The following NUDCD1 variants were observed in gnomAD, a reference collection of about 807,000 sequenced individuals.
The protein encoded by NUDCD1 is nudC domain-containing protein 1.
NUDCD1 carries 60 observed loss-of-function variants against 67.8 expected under a neutral mutation model. That is an observed-to-expected ratio of 0.88 (90% CI 0.72 to 1.10). The LOEUF (loss-of-function observed/expected upper bound fraction) is 1.10, where lower values mean the gene tolerates loss of function less well. Ranked by LOEUF, NUDCD1 falls within the 50% of genes least tolerant of loss-of-function variation. NUDCD1 has a pLI of 0.00. For missense variants in NUDCD1, 643 were observed against 695.0 expected (o/e 0.93, Z 0.84); for synonymous variants, 244 against 230.8 (o/e 1.06, Z -0.52).
At chr8:109,287,181 A>G (rs1406441749) in intron 5 of NUDCD1, among the ~76,000 whole-genome samples, 1 of 152,186 alleles carries the variant, frequency 6.6e-6, no homozygotes, top group Non-Finnish European at 1.5e-5. Flanking sequence ...ATGATACACT[A>G]TTGGTGGGAA....
At chr8:109,280,649 T>A (rs934212933) in intron 6 of NUDCD1, among the ~76,000 whole-genome samples, 1 of 152,084 alleles carries the variant, frequency 6.6e-6, no homozygotes, top group Non-Finnish European at 1.5e-5. Context: ...CAAACTAAAG[T>A]TAAAAAAATT....
intron 9 of NUDCD1, among the ~76,000 whole-genome samples, chr8:109,243,945 A>C (rs1376745641): frequency 6.6e-6 from 1 of 152,198 alleles, no homozygotes; most frequent in African/African-American, 2.4e-5. Flanking sequence ...TAAACTGAAA[A>C]AAATCCTTAT....
intron 4 of NUDCD1, among the ~76,000 whole-genome samples, 194 bp from the exon 5 acceptor site, chr8:109,290,127 T>C (rs1487654706): frequency 6.6e-6 from 1 of 152,178 alleles, no homozygotes; most frequent in Non-Finnish European, 1.5e-5. Context: ...TATTTTAAAA[T>C]ATTGGGTCTG....
In NUDCD1 at chr8:109,269,316, C is replaced by A. The variant is rs182281669; in HGVS notation, c.1299+1689G>T. Among the ~76,000 whole-genome samples the A allele has an allele frequency of 2.3e-3, 345 of 152,276 alleles. 5 individuals are homozygous for A. Among genetic ancestry groups the A allele is most frequent in the Non-Finnish European group, 2.4e-4 (16 of 68,008 alleles). ...TTTGATACAGTTTCAAATGGTACTT[C>A]TGCCTAGCCATTGGTCCTATGCCAT... On this transcript the variant is annotated intron_variant, in intron 8 of 9. Transcript: ENST00000239690.
intron 4 of NUDCD1, among the ~76,000 whole-genome samples, chr8:109,290,946 A>T (rs1712327034): frequency 6.6e-6 from 1 of 152,178 alleles, no homozygotes; most frequent in African/African-American, 2.4e-5. Context: ...ACAGGCTTGT[A>T]ATTTAATGAA....
At chr8:109,283,989 T>TAAAAAAAAA (rs58089818) in intron 5 of NUDCD1, among the ~76,000 whole-genome samples, 8 of 133,146 alleles carry the variant, frequency 6.0e-5, no homozygotes, top group Non-Finnish European at 6.5e-5. Flanking sequence ...AAAGCTGGAT[T>TAAAAAAAAA]AAAAAAAAAA....
intron 8 of NUDCD1, among the ~76,000 whole-genome samples, chr8:109,270,754 G>C (rs1173075763): frequency 1.3e-5 from 2 of 151,832 alleles, no homozygotes; most frequent in East Asian, 3.9e-4. Context: ...ATACATTACA[G>C]GGTCACAATT....
chr8:109,267,985 T>C (rs1453955277), intron 8 of NUDCD1, among the ~76,000 whole-genome samples: 1 of 152,224 alleles, frequency 6.6e-6, no homozygotes, highest in African/African-American at 2.4e-5. Context: ...CCGAGAGATC[T>C]AGTTTCTACT....
rs1220317904 is a variant in NUDCD1, at chr8:109,333,936, G to A, written c.75C>T (p.Leu25=). The change falls in exon 1 of 10, where the codon CTC becomes CTT. Residue 25 remains leucine (L), a synonymous_variant. Coordinates refer to ENST00000239690, the MANE Select transcript of NUDCD1 (RefSeq NM_032869.4). ...GGTAACAAGGCAGCGGCTCAAGAGA[G>A]AGCTTGTAACCCTCGAAGCGGGGAT... The part of the protein sequence containing the change: ...LLDPRFEGYK[L]SLEPLPCYQL... The A allele has an allele frequency of 1.2e-6, 2 of 1,614,192 alleles. No individual in the cohort carries two copies. The highest frequency in any genetic ancestry group is 2.2e-5 in the East Asian group (1 of 44,880).
At chr8:109,256,118 G>T (rs550956491) in intron 8 of NUDCD1, among the ~76,000 whole-genome samples, 1 of 152,132 alleles carries the variant, frequency 6.6e-6, no homozygotes, top group African/African-American at 2.4e-5. Flanking sequence ...GGCTGGAAGT[G>T]GGAAGACTGC....
chr8:109,307,274 T>C (rs1466653185), intron 2 of NUDCD1, among the ~76,000 whole-genome samples: 2 of 152,230 alleles, frequency 1.3e-5, no homozygotes, highest in African/African-American at 4.8e-5. Flanking sequence ...TACTTTGTAA[T>C]ATTCTCTATG....
rs567930127 is a variant in NUDCD1 at position 109,311,318 on chromosome 8, T to C, written c.273+10991A>G. Among the ~76,000 whole-genome samples, 23 of 152,254 alleles carry C rather than the reference T, an allele frequency of 1.5e-4. No individual in the cohort carries two copies. The South Asian group carries it at 4.1e-3, about 27-fold the overall frequency. On this transcript the variant is annotated intron_variant, in intron 2 of 9. Coordinates refer to ENST00000239690, the MANE Select transcript of NUDCD1 (RefSeq NM_032869.4). ...TGAACAGGGAACACTTCTGTGCTGCTAGCAGGAATGTAAACTAGTACAACC... is the reference window on the plus strand; with the variant it reads ...TGAACAGGGAACACTTCTGTGCTGCCAGCAGGAATGTAAACTAGTACAACC...
chr8:109,330,504 CT>C (rs1451457270), intron 1 of NUDCD1, among the ~76,000 whole-genome samples: 6 of 152,266 alleles, frequency 3.9e-5, no homozygotes, highest in African/African-American at 1.4e-4. Flanking sequence ...ACAAAATAAT[CT>C]TTTTCATCAT....
Position 109,289,825 on chromosome 8 carries a change from T to C in NUDCD1, c.749A>G (p.Lys250Arg), listed in dbSNP as rs1814665020. ...ACCAGCCTGAACAAATGTTAAAGAC[T>C]TGTAGGATACAATCATTAGACCATT... ...DGNGLMIVSYKSLTFVQAGQD... is the reference protein window; with the variant it reads ...DGNGLMIVSYRSLTFVQAGQD... The change falls in exon 5 of 10, where the codon AAG becomes AGG. Residue 250 changes from lysine to arginine, a missense_variant. Lys to Arg is a conservative substitution (Grantham distance 26, BLOSUM62 2). Coordinates refer to ENST00000239690, the MANE Select transcript of NUDCD1 (RefSeq NM_032869.4). 6.4e-7 allele frequency: 1 copy of C among 1,564,952 alleles called. No individual in the cohort carries two copies. Among genetic ancestry groups the C allele is most frequent in the Non-Finnish European group, 8.7e-7 (1 of 1,147,540 alleles).
intron 7 of NUDCD1, among the ~76,000 whole-genome samples, chr8:109,274,383 A>G (rs188168733): frequency 2.0e-4 from 30 of 152,270 alleles, no homozygotes; most frequent in Admixed American, 1.3e-3. Flanking sequence ...GCAATTATCT[A>G]CAATCTCAAA....
At chr8:109,272,268 A>T (rs1321501939) in intron 7 of NUDCD1, among the ~76,000 whole-genome samples, 3 of 152,030 alleles carry the variant, frequency 2.0e-5, no homozygotes, top group African/African-American at 7.2e-5. Context: ...TAATACAAAG[A>T]ATAGAGTGGA....
intron 5 of NUDCD1, among the ~76,000 whole-genome samples, chr8:109,283,439 A>G (rs1814502205): frequency 6.6e-6 from 1 of 152,204 alleles, no homozygotes; most frequent in African/African-American, 2.4e-5. Context: ...AGAAATCCAG[A>G]ACCCCTGAGA....
In NUDCD1 at chr8:109,268,833, G is replaced by C. The variant is rs79791971; in HGVS notation, c.1299+2172C>G. Reference sequence around the variant, plus strand: ...ACCCAAGGTAATAAAAAGAAGAGCAGCTATGTGATAGCTCTTATTTATCAC... The same window carrying C: ...ACCCAAGGTAATAAAAAGAAGAGCACCTATGTGATAGCTCTTATTTATCAC... On this transcript the variant is annotated intron_variant, in intron 8 of 9. Transcript: ENST00000239690. 3.3e-4 allele frequency among the ~76,000 whole-genome samples: 50 copies of C among 152,246 alleles called. No individual in the cohort carries two copies. The East Asian group carries it at 9.1e-3, about 28-fold the overall frequency.
At chr8:109,300,343 CA>C (rs34987726) in intron 2 of NUDCD1, among the ~76,000 whole-genome samples, 96,375 of 150,762 alleles carry the variant, frequency 0.64, 32,050 homozygotes, top group African/African-American at 0.84. Flanking sequence ...CGTAAGGAAA[CA>C]AAAAAAAATG....
Sources: gnomAD v4.1 joint callset for allele counts (sites outside exome capture counted in the v4.1 genomes callset) on GRCh38, gnomAD v4.1.1 for gene constraint, MANE v1.5 for transcripts, NCBI Gene and HGNC (gene_info 2026-07-23, HGNC 2026-07-21) for gene names.